Variants in KCNH1 observed in about 807,000 individuals in gnomAD.
The protein encoded by KCNH1 is potassium voltage-gated channel subfamily H member 1.
A neutral mutation model predicts 69.2 loss-of-function variants in KCNH1; 27 were observed. The observed-to-expected ratio is 0.39, with a 90% CI of 0.29 to 0.54. The LOEUF (loss-of-function observed/expected upper bound fraction) is 0.54, where lower values mean the gene tolerates loss of function less well. KCNH1 is among the 20% of genes least tolerant of loss of function. The pLI is 0.68. For synonymous variants in KCNH1, 456 were observed against 487.7 expected (o/e 0.93, Z 0.86); for missense variants, 798 against 1,261.6 (o/e 0.63, Z 5.57).
chr1:211,018,711 C>T, intron 6 of KCNH1, 72 bp downstream of exon 6: 1 of 1,186,630 alleles, frequency 8.4e-7, no homozygotes. Context: ...TTTAATTATT[C>T]TTCTGTTGAC....
intron 10 of KCNH1, among the ~76,000 whole-genome samples, chr1:210,760,175 A>G (rs546739135): frequency 6.6e-6 from 1 of 152,328 alleles, no homozygotes; most frequent in Non-Finnish European, 1.5e-5. Flanking sequence ...CTGCTATACA[A>G]GACAACCATC....
intron 6 of KCNH1, among the ~76,000 whole-genome samples, chr1:210,982,149 A>G (rs1170222814): frequency 6.6e-6 from 1 of 152,038 alleles, no homozygotes; most frequent in Non-Finnish European, 1.5e-5. Context: ...CTTTTCATAA[A>G]ATTTTCAACA....
intron 5 of KCNH1, among the ~76,000 whole-genome samples, chr1:211,080,505 G>A (rs1423862414): frequency 1.3e-5 from 2 of 152,176 alleles, no homozygotes; most frequent in Non-Finnish European, 2.9e-5. Flanking sequence ...AGCCCATATT[G>A]CCAAGACAAT....
chr1:210,938,324 A>G (rs1687813876), intron 6 of KCNH1, among the ~76,000 whole-genome samples: 1 of 152,238 alleles, frequency 6.6e-6, no homozygotes, highest in South Asian at 2.1e-4. Flanking sequence ...ATATCTCTAG[A>G]AACACACGTT....
chr1:210,797,743 G>A lies in KCNH1; in HGVS notation c.1680C>T (p.Pro560=). The change falls in exon 9 of 11, where the codon CCC becomes CCT. Residue 560 remains proline (P), a synonymous_variant. Transcript: ENST00000271751. ...IDTEKVLQIC[P]KDMRADICVH... ...CGCAGATGTCGGCTCTCATGTCCTT[G>A]GGGCAGATCTGCAGGACCTAGCCAG... The A allele has an allele frequency of 3.1e-6, 5 of 1,612,978 alleles. No individual in the cohort carries two copies. The highest frequency in any genetic ancestry group is 4.2e-6 in the Non-Finnish European group (5 of 1,179,062).
At chr1:210,960,258 C>T (rs1408694521) in intron 6 of KCNH1, among the ~76,000 whole-genome samples, 1 of 152,134 alleles carries the variant, frequency 6.6e-6, no homozygotes, top group East Asian at 1.9e-4. Context: ...GTAACTATTA[C>T]CTATATCATA....
chr1:210,985,053 T>C (rs1688801616), intron 6 of KCNH1, among the ~76,000 whole-genome samples: 1 of 152,234 alleles, frequency 6.6e-6, no homozygotes, highest in South Asian at 2.1e-4. Flanking sequence ...TTCTTCTTGA[T>C]TTTCAAGTTT....
At chr1:210,927,653 G>T (rs1417558132) in intron 6 of KCNH1, among the ~76,000 whole-genome samples, 1 of 151,172 alleles carries the variant, frequency 6.6e-6, no homozygotes, top group African/African-American at 2.4e-5. Context: ...GTAACACAAT[G>T]AAAAAAAAGA....
rs1691036430 is a variant in KCNH1, at chr1:211,090,678, C to A, written c.323G>T (p.Trp108Leu). ...LMYKKNRTPV[W>L]FFVKIAPIRN... Reference sequence around the variant, plus strand: ...AATTGGAGCAATTTTCACAAAGAACCACACAGGTGTCCCTGAAAGGAATAT... The same window carrying A: ...AATTGGAGCAATTTTCACAAAGAACAACACAGGTGTCCCTGAAAGGAATAT... The change falls in exon 4 of 11, where the codon TGG (tryptophan) becomes TTG (leucine). Residue 108 changes from tryptophan to leucine, a missense_variant. Physicochemically the swap from Trp to Leu is moderately conservative, Grantham distance 61. This residue lies in a region of KCNH1 where 266 missense variants were observed against 457.2 expected (regional missense o/e 0.58). Transcript: ENST00000271751. 2.5e-6 allele frequency: 4 copies of A among 1,604,718 alleles called. No homozygotes were observed. The highest frequency in any genetic ancestry group is 1.8e-5 in the Admixed American group (1 of 56,854).
chr1:211,000,541 T>C (rs1174396568), intron 6 of KCNH1, among the ~76,000 whole-genome samples: 1 of 152,190 alleles, frequency 6.6e-6, no homozygotes, highest in Non-Finnish European at 1.5e-5. Flanking sequence ...GAACATTCCA[T>C]GCTCATGGAT....
At chr1:210,956,374 G>C (rs980715269) in intron 6 of KCNH1, among the ~76,000 whole-genome samples, 1 of 151,996 alleles carries the variant, frequency 6.6e-6, no homozygotes, top group Non-Finnish European at 1.5e-5. Flanking sequence ...TTTTTTTGTT[G>C]TGTCTCTGCC....
intron 6 of KCNH1, among the ~76,000 whole-genome samples, chr1:210,961,177 T>C (rs1688285764): frequency 6.6e-6 from 1 of 152,142 alleles, no homozygotes; most frequent in African/African-American, 2.4e-5. Flanking sequence ...TTTTATTGGG[T>C]GTTTGTCTTA....
chr1:210,925,431 T>C (rs1481307711), intron 6 of KCNH1, among the ~76,000 whole-genome samples: 2 of 152,340 alleles, frequency 1.3e-5, no homozygotes, highest in Non-Finnish European at 2.9e-5. Flanking sequence ...CAAAAACCTG[T>C]GAGTCGGCTT....
intron 9 of KCNH1, among the ~76,000 whole-genome samples, chr1:210,775,955 A>C (rs1265507378): frequency 1.3e-5 from 2 of 152,142 alleles, no homozygotes; most frequent in South Asian, 2.1e-4. Context: ...TGTCTTATTC[A>C]TCCACATAAC....
chr1:210,759,178 T>C lies in KCNH1; in HGVS notation c.2112+16170A>G, dbSNP rs79203042. Among the ~76,000 whole-genome samples, 420 of 73,560 alleles carry C rather than the reference T, an allele frequency of 5.7e-3. 3 individuals carry two copies. Among genetic ancestry groups the C allele is most frequent in the African/African-American group, 0.026 (359 of 13,912 alleles). The allele number at this position is 73,560 out of a possible 152,430, so 48.3% of individuals were successfully genotyped here. On this transcript the variant is annotated intron_variant, in intron 10 of 10. Transcript: ENST00000271751. ...ATAGACACACACACACACACACACA[T>C]ATTTTATATATATATATAAAGAAGT...
chr1:210,679,285 T>G lies in KCNH1; in HGVS notation c.*3996A>C, dbSNP rs1032250566. On this transcript the variant is annotated 3_prime_UTR_variant, in exon 11 of 11. Coordinates refer to ENST00000271751, the MANE Select transcript of KCNH1 (RefSeq NM_172362.3). ...ATCAAGTGTGCCCTCAATGGCCTCC[T>G]CTTTAAGCAACACTAGGTGATAAGG... is the stretch of plus-strand genomic sequence containing the variant. 3 of 152,188 alleles carry G rather than the reference T, an allele frequency of 2.0e-5. No individual in the cohort carries two copies. The highest frequency in any genetic ancestry group is 6.5e-5 in the Admixed American group (1 of 15,280). The allele number at this position is 152,188 out of a possible 1,614,324, so 9.4% of individuals were successfully genotyped here.
chr1:211,068,796 C>G (rs111583655), intron 5 of KCNH1, among the ~76,000 whole-genome samples: 2 of 152,238 alleles, frequency 1.3e-5, no homozygotes, highest in African/African-American at 4.8e-5. Flanking sequence ...ACAACTGGCC[C>G]GAGCAGACAG....
rs147437368 is a variant in KCNH1 at position 210,680,313 on chromosome 1, G to C, written c.*2968C>G. On this transcript the variant is annotated 3_prime_UTR_variant, in exon 11 of 11. Coordinates refer to ENST00000271751, the MANE Select transcript of KCNH1 (RefSeq NM_172362.3). ...CAATATGAATGACATTCAAAGTAAA[G>C]AATTTAGTAGAAATCAAATAACCAG... 1.5e-4 allele frequency: 23 copies of C among 152,210 alleles called. No individual in the cohort carries two copies. The East Asian group carries it at 4.4e-3, about 29-fold the overall frequency. The allele number at this position is 152,210 out of a possible 1,614,324, so 9.4% of individuals were successfully genotyped here. A position where few individuals can be genotyped will look rare whatever the true frequency, so the allele number is the denominator to read the frequency against.
At chr1:210,794,140 A>G (rs1684261651) in intron 9 of KCNH1, among the ~76,000 whole-genome samples, 1 of 152,158 alleles carries the variant, frequency 6.6e-6, no homozygotes, top group Non-Finnish European at 1.5e-5. Flanking sequence ...ATAGAAAAAC[A>G]ACAAGAACAA....
Sources: gnomAD v4.1 joint callset for allele counts (sites outside exome capture counted in the v4.1 genomes callset) on GRCh38, gnomAD v4.1.1 for gene constraint, gnomAD v4.1.1 regional missense constraint, MANE v1.5 for transcripts, NCBI Gene and HGNC (gene_info 2026-07-23, HGNC 2026-07-21) for gene names.